ARFGEF1: variants seen among roughly 807,000 people sequenced by gnomAD.
ARFGEF1 encodes ARF guanine nucleotide exchange factor 1.
A neutral mutation model predicts 231.0 loss-of-function variants in ARFGEF1; 42 were observed. The ratio of observed to expected loss-of-function variants is 0.18; its 90% confidence interval spans 0.14 to 0.24. ARFGEF1 has a LOEUF of 0.24. ARFGEF1 is among the 10% of genes least tolerant of loss of function. The probability of loss-of-function intolerance (pLI) is 1.00; values close to 1 mark genes in which losing one functional copy is unlikely to be tolerated. For missense variants in ARFGEF1, 1,345 were observed against 2,192.0 expected (o/e 0.61, Z 7.72); for synonymous variants, 710 against 732.3 (o/e 0.97, Z 0.49).
At chr8:67,177,036 A>T (rs1226743195) in intron 5 of ARFGEF1, among the ~76,000 whole-genome samples, 1 of 145,142 alleles carries the variant, frequency 6.9e-6, no homozygotes, top group Non-Finnish European at 1.5e-5. Flanking sequence ...GTGCCACTGC[A>T]CTCCAGCTTG....
At chr8:67,175,334 G>C (rs765074640), downstream of ARFGEF1, 1 of 1,613,478 alleles carries the variant, frequency 6.2e-7, no homozygotes, top group South Asian at 1.1e-5. Context: ...TATGTACCTG[G>C]ATCCTCCAAG....
intron 15 of ARFGEF1, 43 bp from the exon 16 acceptor site, chr8:67,258,333 T>G: frequency 7.2e-7 from 1 of 1,383,570 alleles, no homozygotes; most frequent in African/African-American, 1.5e-5. Flanking sequence ...TTCTTTCTTT[T>G]TTTTTTTTTT....
In ARFGEF1 at chr8:67,288,077, G is replaced by A. The variant is rs779537648; in HGVS notation, c.917-12C>T. ...ATTTTTAGATAATGCTTTAAAAGAA[G>A]AAAAATTCAACAGAACATTATTTTA... On this transcript the variant is annotated splice_polypyrimidine_tract_variant and intron_variant, in intron 6 of 38. Coordinates refer to ENST00000262215, the MANE Select transcript of ARFGEF1 (RefSeq NM_006421.5). 10 of 1,534,566 alleles carry A rather than the reference G, an allele frequency of 6.5e-6. No individual in the cohort carries two copies. The highest frequency in any genetic ancestry group is 8.8e-6 in the Non-Finnish European group (10 of 1,134,246).
intron 38 of ARFGEF1, chr8:67,200,089 T>C (rs1563831349): frequency 7.9e-6 from 3 of 378,432 alleles, no homozygotes; most frequent in African/African-American, 6.3e-5. Flanking sequence ...GTTTTCAAAA[T>C]GGGGCAAAGG....
chr8:67,218,630 G>A (rs1839040282), intron 30 of ARFGEF1, among the ~76,000 whole-genome samples: 1 of 151,850 alleles, frequency 6.6e-6, no homozygotes, highest in Non-Finnish European at 1.5e-5. Context: ...TACAACGTAA[G>A]TGTAATTTAT....
intron 7 of ARFGEF1, among the ~76,000 whole-genome samples, chr8:67,278,930 T>C (rs905564260): frequency 1.3e-5 from 2 of 152,046 alleles, no homozygotes; most frequent in Non-Finnish European, 2.9e-5. Context: ...TAATGTTTGA[T>C]GTGCTAAATA....
At chr8:67,245,880 G>A (rs896735420) in intron 19 of ARFGEF1, among the ~76,000 whole-genome samples, 2 of 150,268 alleles carry the variant, frequency 1.3e-5, no homozygotes, top group African/African-American at 5.0e-5. Context: ...GATACAAACC[G>A]ACTGAAAATA....
rs1366721510 is a variant in ARFGEF1, at chr8:67,185,938, C to G, written c.561-10366G>C. On this transcript the variant is annotated intron_variant, in intron 5 of 5. Transcript: ENST00000518789. The stretch of plus-strand genomic sequence containing the variant: ...AAAACTCCTAAAACACCAAAAGGAC[C>G]TAGTTCTGTAGGTCCTTTGCACTTA... Among the ~76,000 whole-genome samples the G allele has an allele frequency of 3.3e-5, 5 of 152,156 alleles. No individual in the cohort carries two copies. In the East Asian group the frequency reaches 9.6e-4, roughly 29 times the overall value.
intron 10 of ARFGEF1, among the ~76,000 whole-genome samples, chr8:67,269,867 C>G (rs990789667): frequency 1.6e-4 from 25 of 152,002 alleles, no homozygotes; most frequent in Admixed American, 6.5e-5. Flanking sequence ...TTCATTTTTG[C>G]AAAGTTGAAT....
intron 3 of ARFGEF1, among the ~76,000 whole-genome samples, chr8:67,300,982 C>A (rs1215145475): frequency 6.6e-6 from 1 of 152,084 alleles, no homozygotes; most frequent in Non-Finnish European, 1.5e-5. Flanking sequence ...CAACACTTTT[C>A]ATTATTGATA....
intron 5 of ARFGEF1, among the ~76,000 whole-genome samples, chr8:67,295,297 C>T (rs975967778): frequency 6.6e-6 from 1 of 152,092 alleles, no homozygotes; most frequent in Non-Finnish European, 1.5e-5. Flanking sequence ...CTTAAAATAT[C>T]TCCCCAAAGA....
At position 67,201,447 on chromosome 8, in the gene ARFGEF1, A is replaced by G. The variant is rs1838325736; in HGVS notation, c.5267+20T>C. On this transcript the variant is annotated intron_variant, in intron 37 of 38. Transcript: ENST00000262215. ...CACGTGGCTACCTGGTCAGAGATGGAAATCAGTCAAAAGTCTTACTTCAAA... is the reference window on the plus strand; with the variant it reads ...CACGTGGCTACCTGGTCAGAGATGGGAATCAGTCAAAAGTCTTACTTCAAA... 1 of 1,596,482 alleles carries G rather than the reference A, an allele frequency of 6.3e-7. No individual in the cohort carries two copies. The highest frequency in any genetic ancestry group is 8.5e-7 in the Non-Finnish European group (1 of 1,173,582).
intron 5 of ARFGEF1, chr8:67,190,565 T>C (rs929755342): frequency 2.1e-6 from 2 of 967,870 alleles, no homozygotes; most frequent in Non-Finnish European, 3.3e-6. Flanking sequence ...AAGCAAAATC[T>C]TAGTAATTAA....
chr8:67,257,954 C>A lies in ARFGEF1; in HGVS notation c.2441+131G>T, dbSNP rs1840514359. 1.5e-5 allele frequency: 18 copies of A among 1,186,474 alleles called. No individual in the cohort carries two copies. The South Asian group carries it at 2.5e-4, about 17-fold the overall frequency. The allele number at this position is 1,186,474 out of a possible 1,614,324, so 73.5% of individuals were successfully genotyped here. Reference sequence around the variant, plus strand: ...AATTTTTTATGGATTTGTTTTACGACTTCCAGATTGTAGACAATCTAAATT... The same window carrying A: ...AATTTTTTATGGATTTGTTTTACGAATTCCAGATTGTAGACAATCTAAATT... On this transcript the variant is annotated intron_variant, in intron 16 of 38. Transcript: ENST00000262215.
In ARFGEF1 at chr8:67,296,614, T is replaced by C. The variant is rs773445938; in HGVS notation, c.460-4A>G. The stretch of plus-strand genomic sequence containing the variant: ...ATGTTACTGCAGTAAGTAAAGCCTT[T>C]AAGAAAAAAAAAGGAAAAAGTTAAA... On this transcript the variant is annotated splice_region_variant and splice_polypyrimidine_tract_variant and intron_variant, in intron 4 of 38. Coordinates refer to ENST00000262215, the MANE Select transcript of ARFGEF1 (RefSeq NM_006421.5). The C allele has an allele frequency of 2.0e-5, 31 of 1,564,320 alleles. No individual in the cohort carries two copies. The highest frequency in any genetic ancestry group is 2.6e-5 in the Non-Finnish European group (30 of 1,160,294).
intron 7 of ARFGEF1, among the ~76,000 whole-genome samples, chr8:67,287,381 T>C (rs1805805372): frequency 6.6e-6 from 1 of 152,198 alleles, no homozygotes; most frequent in African/African-American, 2.4e-5. Flanking sequence ...GAGAAGACAT[T>C]TGGAGCATGT....
At chr8:67,279,102 A>T (rs2128901443) in intron 7 of ARFGEF1, among the ~76,000 whole-genome samples, 1 of 152,294 alleles carries the variant, frequency 6.6e-6, no homozygotes, top group East Asian at 1.9e-4. Flanking sequence ...CATTGCTACA[A>T]AAAATTTTTT....
At chr8:67,312,245 T>TAAAAAAAAAAAAAAAAAA (rs771238790) in intron 1 of ARFGEF1, among the ~76,000 whole-genome samples, 1 of 113,034 alleles carries the variant, frequency 8.8e-6, no homozygotes, top group Non-Finnish European at 1.9e-5. Flanking sequence ...AAAAAAAAAT[T>TAAAAAAAAAAAAAAAAAA]AAAAAAAAAA....
At chr8:67,334,472 C>T (rs1357596243) in intron 1 of ARFGEF1, among the ~76,000 whole-genome samples, 1 of 152,090 alleles carries the variant, frequency 6.6e-6, no homozygotes, top group African/African-American at 2.4e-5. Context: ...AACGGGAAGC[C>T]TCATACACTG....
Sources: gnomAD v4.1 joint callset for allele counts (sites outside exome capture counted in the v4.1 genomes callset) on GRCh38, gnomAD v4.1.1 for gene constraint, MANE v1.5 for transcripts, NCBI Gene and HGNC (gene_info 2026-07-23, HGNC 2026-07-21) for gene names.